The following ZFTRAF1 variants were observed in gnomAD, a reference collection of about 807,000 sequenced individuals.
ZFTRAF1 encodes the protein zinc finger TRAF-type-containing protein 1.
the ZFTRAF1 span, chr8:144,450,646 G>T: frequency 1.4e-6 from 1 of 717,906 alleles, no homozygotes; most frequent in Non-Finnish European, 2.6e-6. Flanking sequence ...ACAGGTTGGG[G>T]TTACGCTCCG....
chr8:144,461,593 G>C, the ZFTRAF1 span, among the ~76,000 whole-genome samples: 1 of 152,206 alleles, frequency 6.6e-6, no homozygotes, highest in Non-Finnish European at 1.5e-5. Flanking sequence ...AGGTGGGCAG[G>C]AGCCTAGCGT....
the ZFTRAF1 span, chr8:144,453,972 G>A: frequency 9.0e-3 from 1,417 of 156,746 alleles, 21 homozygotes; most frequent in African/African-American, 0.032. Flanking sequence ...CCAGGTGAGA[G>A]GAGGCAGCTG....
the ZFTRAF1 span, chr8:144,452,161 C>T: frequency 1.5e-6 from 1 of 689,264 alleles, no homozygotes; most frequent in South Asian, 1.6e-5. Flanking sequence ...CTGGGGTCTG[C>T]CTCGGCCCCT....
At chr8:144,455,635 C>T in the ZFTRAF1 span, 1 of 152,324 alleles carries the variant, frequency 6.6e-6, no homozygotes, top group Admixed American at 6.5e-5. Context: ...GGGCCTTGGA[C>T]GAGGTTCTGG....
the ZFTRAF1 span, among the ~76,000 whole-genome samples, chr8:144,458,789 C>T: frequency 1.3e-5 from 2 of 152,160 alleles, no homozygotes. Context: ...TCTGCCGGGC[C>T]CAAGAGGTGG....
the ZFTRAF1 span, chr8:144,462,188 C>A: frequency 2.3e-6 from 1 of 433,724 alleles, no homozygotes; most frequent in Non-Finnish European, 4.1e-6. Flanking sequence ...CCGGGCCCCG[C>A]AGGCCTGGCC....
the ZFTRAF1 span, among the ~76,000 whole-genome samples, chr8:144,460,413 C>G: frequency 1.3e-5 from 2 of 152,248 alleles, no homozygotes; most frequent in Non-Finnish European, 2.9e-5. Flanking sequence ...TCACTCTGTG[C>G]CGGGCCAGTC....
chr8:144,459,247 C>G, the ZFTRAF1 span, among the ~76,000 whole-genome samples: 2 of 152,246 alleles, frequency 1.3e-5, no homozygotes, highest in African/African-American at 4.8e-5. Flanking sequence ...CAGGAACGAC[C>G]TGACCACCTG....
At chr8:144,456,942 G>A in the ZFTRAF1 span, 6 of 149,494 alleles carry the variant, frequency 4.0e-5, no homozygotes, top group Non-Finnish European at 8.9e-5. Context: ...ACATCACAGG[G>A]GATGACATTA....
At chr8:144,451,081 G>C in the ZFTRAF1 span, 20 of 333,926 alleles carry the variant, frequency 6.0e-5, no homozygotes, top group African/African-American at 4.1e-4. Context: ...CGAGCCCCGG[G>C]TGTCCCCCAG....
At chr8:144,449,866 G>A in the ZFTRAF1 span, 1 of 170,528 alleles carries the variant, frequency 5.9e-6, no homozygotes, top group African/African-American at 2.4e-5. Flanking sequence ...CTGACCCCCA[G>A]GCCAAACCAA....
At chr8:144,462,143 A>C in the ZFTRAF1 span, 3 of 356,116 alleles carry the variant, frequency 8.4e-6, no homozygotes, top group Non-Finnish European at 1.5e-5. Flanking sequence ...CTGGGCGAGG[A>C]AGTGGCTGTA....
At chr8:144,458,888 A>G in the ZFTRAF1 span, among the ~76,000 whole-genome samples, 1 of 152,202 alleles carries the variant, frequency 6.6e-6, no homozygotes, top group South Asian at 2.1e-4. Context: ...CGGCTGGACC[A>G]CATCTGTGAG....
At chr8:144,459,265 T>A in the ZFTRAF1 span, among the ~76,000 whole-genome samples, 10 of 152,220 alleles carry the variant, frequency 6.6e-5, no homozygotes, top group Non-Finnish European at 1.5e-5. Context: ...CTGCGCGGCC[T>A]GGTCAGGCCA....
the ZFTRAF1 span, among the ~76,000 whole-genome samples, chr8:144,458,721 G>A: frequency 4.6e-5 from 7 of 152,340 alleles, no homozygotes; most frequent in South Asian, 1.4e-3. Context: ...GGTCAGATGG[G>A]GCAGGAGGGG....
chr8:144,451,067 GC>G, the ZFTRAF1 span: 8 of 353,634 alleles, frequency 2.3e-5, no homozygotes, highest in Non-Finnish European at 4.2e-5. Context: ...CTCCCTCACC[GC>G]CCCGAGCCCC....
At chr8:144,449,815 G>GA in the ZFTRAF1 span, 3 of 161,592 alleles carry the variant, frequency 1.9e-5, no homozygotes, top group African/African-American at 7.2e-5. Flanking sequence ...GTCTTTCCTC[G>GA]GGGGACGTGT....
At chr8:144,453,722 G>A in the ZFTRAF1 span, 16 of 423,050 alleles carry the variant, frequency 3.8e-5, no homozygotes, top group East Asian at 3.7e-4. Flanking sequence ...GTGACAGCTC[G>A]CCCTGGCAGT....
chr8:144,450,108 G>C, the ZFTRAF1 span: 13 of 452,764 alleles, frequency 2.9e-5, no homozygotes, highest in Non-Finnish European at 4.9e-5. Flanking sequence ...CACCGTCTCT[G>C]AGCCTCGGGG....
Sources: gnomAD v4.1 joint callset for allele counts (sites outside exome capture counted in the v4.1 genomes callset) on GRCh38, gnomAD v4.1.1 for gene constraint, MANE v1.5 for transcripts, NCBI Gene and HGNC (gene_info 2026-07-23, HGNC 2026-07-21) for gene names.